The following ZNF30 variants were observed in gnomAD, a reference collection of about 807,000 sequenced individuals.
ZNF30 encodes the protein zinc finger protein 30 (KOX 28).
A neutral mutation model predicts 13.2 loss-of-function variants in ZNF30; 15 were observed. That is an observed-to-expected ratio of 1.13 (90% CI 0.76 to 1.75). ZNF30 has a LOEUF of 1.75. Ranked by LOEUF, ZNF30 falls within the 40% of genes most tolerant of loss-of-function variation. The probability of loss-of-function intolerance (pLI) is 0.00; values close to 1 mark genes in which losing one functional copy is unlikely to be tolerated. For missense variants in ZNF30, 726 were observed against 757.0 expected (o/e 0.96, Z 0.48); for synonymous variants, 223 against 256.6 (o/e 0.87, Z 1.25).
chr19:34,924,029 G>A (rs746191727), upstream of ZNF30, among the ~76,000 whole-genome samples: 7 of 152,118 alleles, frequency 4.6e-5, no homozygotes, highest in African/African-American at 7.2e-5. Context: ...ATTTTCCACT[G>A]GATGCTCAGA....
intron 4 of ZNF30, among the ~76,000 whole-genome samples, chr19:34,934,097 G>A (rs2651099): frequency 0.43 from 65,144 of 151,178 alleles, 15,552 homozygotes; most frequent in African/African-American, 0.65. Flanking sequence ...GAGGGTTCAG[G>A]CCTTGTAATT....
chr19:34,943,660 T>A lies in ZNF30; in HGVS notation c.694T>A (p.Tyr232Asn). 1 of 1,613,696 alleles carries A rather than the reference T, an allele frequency of 6.2e-7. No individual in the cohort carries two copies. Among genetic ancestry groups the A allele is most frequent in the Non-Finnish European group, 8.5e-7 (1 of 1,179,782 alleles). Reference sequence around the variant, plus strand: ...GAGTATTCATACTGGGAAGAAACCATATGAGTGCGGGGAATGTGGGAAAGC... The same window carrying A: ...GAGTATTCATACTGGGAAGAAACCAAATGAGTGCGGGGAATGTGGGAAAGC... ...HKSIHTGKKP[Y>N]ECGECGKAFL... Residue 232 changes from tyrosine to asparagine, a missense_variant, in exon 5 of 5, where the codon TAT becomes AAT. Tyr to Asn is a moderately radical substitution (Grantham distance 143). Transcript: ENST00000601142.
chr19:34,937,890 C>T (rs2012826866), intron 4 of ZNF30, among the ~76,000 whole-genome samples: 1 of 152,078 alleles, frequency 6.6e-6, no homozygotes, highest in Non-Finnish European at 1.5e-5. Flanking sequence ...CCTCTGCCTC[C>T]AAAATACAAA....
chr19:34,928,341 G>A (rs962433494), intron 1 of ZNF30, among the ~76,000 whole-genome samples: 2 of 148,432 alleles, frequency 1.3e-5, no homozygotes, highest in African/African-American at 2.5e-5. Flanking sequence ...TAATGTTTAC[G>A]TAATAACTCC....
At position 34,944,067 on chromosome 19, in the gene ZNF30, A is replaced by G. The variant is rs750240287; in HGVS notation, c.1101A>G (p.Ala367=). 1.7e-5 allele frequency: 28 copies of G among 1,613,448 alleles called. No homozygotes were observed. In the South Asian group the frequency reaches 3.0e-4, roughly 17 times the overall value. ...TTCATGCACATCAGCGAATTCATGC[A>G]GAGATAAAGCCCTACGGATGCAAGG... ...SFLHAHQRIH[A]EIKPYGCKEC... The change falls in exon 5 of 5, where the codon GCA becomes GCG. Residue 367 remains alanine, a synonymous_variant. Coordinates refer to ENST00000601142, the MANE Select transcript of ZNF30 (RefSeq NM_194325.3).
rs10422961 is a variant in ZNF30 at position 34,931,904 on chromosome 19, C to T, written c.71C>T (p.Ser24Phe). ...TTTGAGGATGTGGCCATAGCCTTCT[C>T]CCAGCAGGAGTGGGAGAGTCTGGAC... ...VTFEDVAIAF[S>F]QQEWESLDSS... Residue 24 changes from serine to phenylalanine, a missense_variant, in exon 3 of 5, where the codon TCC becomes TTC. Transcript: ENST00000601142. 0.32 allele frequency: 516,594 copies of T among 1,612,510 alleles called. 83,689 individuals are homozygous for T. Among genetic ancestry groups the T allele is most frequent in the Middle Eastern group, 0.34 (2,050 of 6,056 alleles).
chr19:34,923,889 A>T (rs571709976), upstream of ZNF30: 1 of 152,210 alleles, frequency 6.6e-6, no homozygotes, highest in Non-Finnish European at 1.5e-5. Flanking sequence ...AGATAAACGT[A>T]TGGAACTTAG....
At chr19:34,938,732 G>A (rs1428906489) in intron 4 of ZNF30, among the ~76,000 whole-genome samples, 1 of 152,120 alleles carries the variant, frequency 6.6e-6, no homozygotes, top group Non-Finnish European at 1.5e-5. Context: ...TTCAGACTAA[G>A]ACTGCCTGTG....
chr19:34,928,492 A>G (rs554411199), intron 1 of ZNF30, among the ~76,000 whole-genome samples: 9 of 152,124 alleles, frequency 5.9e-5, no homozygotes, highest in African/African-American at 2.2e-4. Flanking sequence ...CTTTTATTAC[A>G]GTATGCTATT....
Position 34,927,175 on chromosome 19 carries a change from T to G in ZNF30, c.-106T>G. 2.6e-6 allele frequency: 1 copy of G among 388,600 alleles called. No individual in the cohort carries two copies. Among genetic ancestry groups the G allele is most frequent in the South Asian group, 1.4e-4 (1 of 6,980 alleles). The allele number at this position is 388,600 out of a possible 1,614,324, so 24.1% of individuals were successfully genotyped here. ...TGCAAACGAACACAGCACCGGGAGC[T>G]CTGCAGACCTGTGTCGGCGCGGAAC... On this transcript the variant is annotated 5_prime_UTR_variant, in exon 1 of 5. Coordinates refer to ENST00000601142, the MANE Select transcript of ZNF30 (RefSeq NM_194325.3).
chr19:34,931,772 C>A, intron 2 of ZNF30, 71 bp from the exon 3 acceptor site: 1 of 1,474,742 alleles, frequency 6.8e-7, no homozygotes, highest in Non-Finnish European at 9.2e-7. Context: ...TATGTTATTG[C>A]TCCCTTACTA....
At position 34,928,250 on chromosome 19, in the gene ZNF30, T is replaced by TATAG. The variant is rs2012223700; in HGVS notation, c.-65+1037_-65+1038insGATA. On this transcript the variant is annotated intron_variant, in intron 1 of 4. Coordinates refer to ENST00000601142, the MANE Select transcript of ZNF30 (RefSeq NM_194325.3). ...ATATATATATATATATATATATATA[T>TATAG]ATATAGATAGATAGATAGATAGATA... is the stretch of plus-strand genomic sequence containing the variant. 1.7e-4 allele frequency among the ~76,000 whole-genome samples: 9 copies of TATAG among 53,456 alleles called. No individual in the cohort carries two copies. The South Asian group carries it at 3.5e-3, about 21-fold the overall frequency. 35.1% of individuals were successfully genotyped at this position (53,456 alleles called of 152,430 possible).
chr19:34,924,806 T>C (rs1017907560), upstream of ZNF30, among the ~76,000 whole-genome samples: 1 of 152,230 alleles, frequency 6.6e-6, no homozygotes, highest in Admixed American at 6.5e-5. Flanking sequence ...GAATAGCCTA[T>C]ATGGTGAACT....
chr19:34,943,551 G>T lies in ZNF30; in HGVS notation c.585G>T (p.Gly195=). ...FISGSAFVKH[G]RIHTGEKPLK... The stretch of plus-strand genomic sequence containing the variant: ...GTGGCTCAGCCTTTGTTAAGCATGG[G>T]AGAATTCACACTGGTGAGAAGCCAC... The change falls in exon 5 of 5, where the codon GGG becomes GGT. Residue 195 remains glycine (G), a synonymous_variant. Transcript: ENST00000601142. 1 of 1,613,748 alleles carries T rather than the reference G, an allele frequency of 6.2e-7. No individual in the cohort carries two copies.
intron 2 of ZNF30, among the ~76,000 whole-genome samples, chr19:34,930,798 G>C (rs1476785733): frequency 6.6e-6 from 1 of 152,080 alleles, no homozygotes; most frequent in Non-Finnish European, 1.5e-5. Context: ...AGGAGTTCAA[G>C]ATTGCAGTGA....
At chr19:34,930,312 T>G (rs1377173248) in intron 2 of ZNF30, among the ~76,000 whole-genome samples, 1 of 152,166 alleles carries the variant, frequency 6.6e-6, no homozygotes, top group Non-Finnish European at 1.5e-5. Flanking sequence ...CATCAGAAGA[T>G]TTGAAGTTTT....
In ZNF30 at chr19:34,943,964, G is replaced by A. The variant is rs764592471; in HGVS notation, c.998G>A (p.Arg333Gln). The A allele has an allele frequency of 3.7e-6, 6 of 1,613,292 alleles. No homozygotes were observed. Among genetic ancestry groups the A allele is most frequent in the Middle Eastern group, 1.6e-4 (1 of 6,064 alleles). Reference sequence around the variant, plus strand: ...TTCACTGTGTATGGACAGCTTACTCGACATCAGAGTATTCATACTGGTGAG... The same window carrying A: ...TTCACTGTGTATGGACAGCTTACTCAACATCAGAGTATTCATACTGGTGAG... ...KSFTVYGQLTRHQSIHTGEKP... is the reference protein window; with the variant it reads ...KSFTVYGQLTQHQSIHTGEKP... The change falls in exon 5 of 5, where the codon CGA becomes CAA. Residue 333 changes from arginine to glutamine, a missense_variant. Physicochemically the swap from Arg to Gln is conservative, Grantham distance 43. Transcript: ENST00000601142.
At chr19:34,934,968 G>GCC (rs1183837707) in intron 4 of ZNF30, among the ~76,000 whole-genome samples, 2 of 152,240 alleles carry the variant, frequency 1.3e-5, no homozygotes, top group Non-Finnish European at 2.9e-5. Context: ...GGTGGCTCAC[G>GCC]CCTGTAATCC....
intron 4 of ZNF30, among the ~76,000 whole-genome samples, chr19:34,942,277 T>C (rs1384605580): frequency 6.6e-6 from 1 of 151,924 alleles, no homozygotes; most frequent in Non-Finnish European, 1.5e-5. Flanking sequence ...ACCCCATCTC[T>C]ATAAAAATTA....
Sources: gnomAD v4.1 joint callset for allele counts (sites outside exome capture counted in the v4.1 genomes callset) on GRCh38, gnomAD v4.1.1 for gene constraint, MANE v1.5 for transcripts, NCBI Gene and HGNC (gene_info 2026-07-23, HGNC 2026-07-21) for gene names.